Variants in CD1B observed in about 807,000 individuals in gnomAD.
CD1B encodes the protein CD1b molecule.
A neutral mutation model predicts 39.8 loss-of-function variants in CD1B; 43 were observed. The observed-to-expected ratio is 1.08, with a 90% confidence interval of 0.85 to 1.39. CD1B has a LOEUF of 1.39. Among genes scored for constraint, CD1B ranks in the 40% most tolerant of loss-of-function variants. The probability of loss-of-function intolerance (pLI) is 0.00; values close to 1 mark genes in which losing one functional copy is unlikely to be tolerated. For missense variants in CD1B, 495 were observed against 403.8 expected (o/e 1.23, Z -1.94); for synonymous variants, 192 against 152.5 (o/e 1.26, Z -1.91).
chr1:158,290,057 CA>C, the CD1B span: 1 of 1,613,220 alleles, frequency 6.2e-7, no homozygotes, highest in African/African-American at 1.3e-5. Context: ...GAAACATCTG[CA>C]AATGACATGC....
At chr1:158,304,377 G>T in the CD1B span, among the ~76,000 whole-genome samples, 3 of 152,302 alleles carry the variant, frequency 2.0e-5, no homozygotes, top group South Asian at 6.2e-4. Context: ...CTGCAAGGCA[G>T]CAGAGAGGCT....
the CD1B span, among the ~76,000 whole-genome samples, chr1:158,286,070 A>G: frequency 1.8e-4 from 27 of 152,082 alleles, no homozygotes; most frequent in Non-Finnish European, 3.5e-4. Context: ...GTCTTAGGGA[A>G]GTGACAGGCA....
At chr1:158,293,325 T>C in the CD1B span, 1 of 1,600,828 alleles carries the variant, frequency 6.2e-7, no homozygotes, top group Non-Finnish European at 8.6e-7. Flanking sequence ...TATTTCCTCC[T>C]CTCCTCCCAG....
chr1:158,287,312 G>GAC, the CD1B span, among the ~76,000 whole-genome samples: 1 of 151,842 alleles, frequency 6.6e-6, no homozygotes, highest in African/African-American at 2.4e-5. Flanking sequence ...CAGAGACAGA[G>GAC]AGCGACAGGG....
intron 3 of CD1B, 60 bp from the exon 4 acceptor site, chr1:158,329,708 C>T: frequency 1.9e-6 from 3 of 1,585,720 alleles, no homozygotes; most frequent in Non-Finnish European, 2.6e-6. Flanking sequence ...AGGTTATGAA[C>T]TCAGAAACCT....
Position 158,329,416 on chromosome 1 carries a change from C to T in CD1B, c.840G>A (p.Arg280=), listed in dbSNP as rs142787261. 10 of 1,614,020 alleles carry T rather than the reference C, an allele frequency of 6.2e-6. No homozygotes were observed. The African/African-American group carries it at 1.3e-4, about 22-fold the overall frequency. The change falls in exon 4 of 6, where the codon CGG becomes CGA. Residue 280 remains arginine, a synonymous_variant. Transcript: ENST00000368168. ...ADGEAAGLSC[R]VKHSSLEGQD... The stretch of plus-strand genomic sequence containing the variant: ...GGCCCTCTAAACTGCTGTGCTTCAC[C>T]CGACAGGACAGGCCAGCCGCCTCCC...
chr1:158,308,185 C>G, the CD1B span, among the ~76,000 whole-genome samples: 1 of 152,072 alleles, frequency 6.6e-6, no homozygotes, highest in East Asian at 1.9e-4. Context: ...TTCTTACACA[C>G]CAGTAACAGA....
chr1:158,320,065 A>T, the CD1B span, among the ~76,000 whole-genome samples: 2 of 152,198 alleles, frequency 1.3e-5, no homozygotes, highest in African/African-American at 4.8e-5. Flanking sequence ...CTCTCTTCAA[A>T]GCTGTCAGAC....
chr1:158,306,072 C>T, the CD1B span, among the ~76,000 whole-genome samples: 1 of 151,916 alleles, frequency 6.6e-6, no homozygotes, highest in Non-Finnish European at 1.5e-5. Flanking sequence ...ATCAAATTCA[C>T]ACATAACAAT....
At chr1:158,303,818 T>G in the CD1B span, among the ~76,000 whole-genome samples, 3 of 152,330 alleles carry the variant, frequency 2.0e-5, no homozygotes, top group African/African-American at 4.8e-5. Flanking sequence ...ATTGAAAGAA[T>G]TAATGTTGTT....
the CD1B span, among the ~76,000 whole-genome samples, chr1:158,320,112 T>A: frequency 6.6e-6 from 1 of 152,246 alleles, no homozygotes; most frequent in Non-Finnish European, 1.5e-5. Context: ...CAGCTTTTTG[T>A]TTGTCTGTGC....
At chr1:158,330,680 C>T (rs768850315) in intron 2 of CD1B, 116 bp downstream of exon 2, 11 of 988,964 alleles carry the variant, frequency 1.1e-5, no homozygotes, top group South Asian at 6.4e-5. Flanking sequence ...AAAGCATGTG[C>T]GTGCATTTGG....
chr1:158,301,871 G>A, the CD1B span, among the ~76,000 whole-genome samples: 1 of 152,148 alleles, frequency 6.6e-6, no homozygotes, highest in Non-Finnish European at 1.5e-5. Context: ...ATAACATCAT[G>A]AGCAGTGTTT....
At chr1:158,324,561 G>A (rs932408691), downstream of CD1B, among the ~76,000 whole-genome samples, 1 of 152,192 alleles carries the variant, frequency 6.6e-6, no homozygotes, top group Non-Finnish European at 1.5e-5. Context: ...AGAAGTAGAA[G>A]TGAGACTGAT....
chr1:158,309,196 G>T, the CD1B span, among the ~76,000 whole-genome samples: 1 of 152,148 alleles, frequency 6.6e-6, no homozygotes, highest in Non-Finnish European at 1.5e-5. Context: ...CTTCTCAAAA[G>T]AAGACCTTTA....
At chr1:158,294,818 T>C in the CD1B span, among the ~76,000 whole-genome samples, 1 of 152,250 alleles carries the variant, frequency 6.6e-6, no homozygotes, top group Admixed American at 6.5e-5. Flanking sequence ...TTGTAAGTAA[T>C]CCATGCTGCT....
At chr1:158,317,829 T>C in the CD1B span, among the ~76,000 whole-genome samples, 1 of 152,234 alleles carries the variant, frequency 6.6e-6, no homozygotes, top group African/African-American at 2.4e-5. Context: ...TACACACTGC[T>C]TTGAATGCGT....
At chr1:158,287,890 T>C in the CD1B span, among the ~76,000 whole-genome samples, 1 of 152,180 alleles carries the variant, frequency 6.6e-6, no homozygotes, top group African/African-American at 2.4e-5. Context: ...GACTGCCAAG[T>C]TGGTACCACA....
At chr1:158,308,359 A>G in the CD1B span, among the ~76,000 whole-genome samples, 1 of 152,236 alleles carries the variant, frequency 6.6e-6, no homozygotes, top group Non-Finnish European at 1.5e-5. Flanking sequence ...AGAACATTCC[A>G]TGCTCATGGG....
Sources: gnomAD v4.1 joint callset for allele counts (sites outside exome capture counted in the v4.1 genomes callset) on GRCh38, gnomAD v4.1.1 for gene constraint, MANE v1.5 for transcripts, NCBI Gene and HGNC (gene_info 2026-07-23, HGNC 2026-07-21) for gene names.